The following GTF2B variants were observed in gnomAD, a reference collection of about 807,000 sequenced individuals.
GTF2B encodes the protein general transcription factor IIB.
A neutral mutation model predicts 34.6 loss-of-function variants in GTF2B; 20 were observed. The observed-to-expected ratio is 0.58, with a 90% CI of 0.41 to 0.84. The LOEUF (loss-of-function observed/expected upper bound fraction) is 0.84, where lower values mean the gene tolerates loss of function less well. GTF2B is among the 40% of genes least tolerant of loss of function. The pLI is 0.00. For missense variants in GTF2B, 237 were observed against 393.3 expected, an observed-to-expected ratio of 0.60 and a Z score of 3.36; for synonymous variants, 142 against 132.4, an observed-to-expected ratio of 1.07 and a Z score of -0.50.
At chr1:88,890,666 T>C (rs1161748865) in intron 1 of GTF2B, among the ~76,000 whole-genome samples, 2 of 152,154 alleles carry the variant, frequency 1.3e-5, no homozygotes, top group Admixed American at 6.5e-5. Context: ...TATGCAAAAA[T>C]ACTAATATCT....
chr1:88,882,310 C>CAAAAAAAAAAAAAAAA (rs59699371), intron 2 of GTF2B, among the ~76,000 whole-genome samples: 3 of 36,018 alleles, frequency 8.3e-5, no homozygotes, highest in African/African-American at 2.4e-4. Context: ...ACTCTCACTC[C>CAAAAAAAAAAAAAAAA]AAAAAAAAAA....
intron 1 of GTF2B, among the ~76,000 whole-genome samples, chr1:88,891,219 G>C (rs1674196609): frequency 6.6e-6 from 1 of 152,040 alleles, no homozygotes; most frequent in South Asian, 2.1e-4. Flanking sequence ...CAAGGACTGG[G>C]GACACAGTAG....
intron 1 of GTF2B, among the ~76,000 whole-genome samples, chr1:88,889,147 G>C (rs1048453719): frequency 6.6e-6 from 1 of 152,192 alleles, no homozygotes; most frequent in African/African-American, 2.4e-5. Flanking sequence ...AACACCAAGA[G>C]ACTAGTAATT....
chr1:88,870,172 C>T (rs865973086), intron 2 of GTF2B, among the ~76,000 whole-genome samples: 3 of 152,284 alleles, frequency 2.0e-5, no homozygotes, highest in African/African-American at 4.8e-5. Flanking sequence ...GTGATCCACC[C>T]GCCTTGGCCT....
rs1044537963 is a variant in GTF2B, at chr1:88,860,128, A to T, written c.405+12T>A. On this transcript the variant is annotated intron_variant, in intron 4 of 6. Coordinates refer to ENST00000370500, the MANE Select transcript of GTF2B (RefSeq NM_001514.6). Reference sequence around the variant, plus strand: ...TGCCAGAATGGCTTAAAGGAGGTAGACAAGAACTTACAACTATATTTCGAG... The same window carrying T: ...TGCCAGAATGGCTTAAAGGAGGTAGTCAAGAACTTACAACTATATTTCGAG... 2.5e-6 allele frequency: 4 copies of T among 1,613,820 alleles called. No homozygotes were observed. In the African/African-American group the frequency reaches 4.0e-5, roughly 16 times the overall value.
intron 2 of GTF2B, among the ~76,000 whole-genome samples, chr1:88,867,797 T>A (rs1225261002): frequency 1.3e-5 from 2 of 152,120 alleles, no homozygotes; most frequent in Non-Finnish European, 2.9e-5. Context: ...ATGGATTTTT[T>A]ATTTTTTTTA....
chr1:88,868,307 G>C (rs544074732), intron 2 of GTF2B, among the ~76,000 whole-genome samples: 2 of 152,280 alleles, frequency 1.3e-5, no homozygotes, highest in Admixed American at 1.3e-4. Context: ...TAGAAACAGA[G>C]ACACATATGA....
intron 3 of GTF2B, among the ~76,000 whole-genome samples, chr1:88,863,584 T>C (rs1211021076): frequency 6.6e-6 from 1 of 152,120 alleles, no homozygotes; most frequent in African/African-American, 2.4e-5. Context: ...CCCGAACTCC[T>C]GACCTTGTGA....
At chr1:88,887,763 C>T (rs1674110042) in intron 1 of GTF2B, 1 of 222,870 alleles carries the variant, frequency 4.5e-6, no homozygotes. Context: ...AGTCAGAGAA[C>T]AATTTCTCTC....
At chr1:88,867,149 T>C (rs757613064) in intron 2 of GTF2B, among the ~76,000 whole-genome samples, 1 of 152,212 alleles carries the variant, frequency 6.6e-6, no homozygotes, top group Non-Finnish European at 1.5e-5. Context: ...AAGAGATCAA[T>C]TTTTCTTCCT....
Position 88,891,529 on chromosome 1 carries a change from G to A in GTF2B, c.-30C>T, listed in dbSNP as rs199559850. 47 of 1,591,908 alleles carry A rather than the reference G, an allele frequency of 3.0e-5. 1 individual carries two copies. Among genetic ancestry groups the A allele is most frequent in the South Asian group, 2.6e-4 (23 of 88,850 alleles). On this transcript the variant is annotated 5_prime_UTR_variant, in exon 1 of 7. Transcript: ENST00000370500. ...ACGGCGACTGCGGTGCCCGCAACAA[G>A]ACACAACAGACACACCGAAAGCAGG...
intron 5 of GTF2B, among the ~76,000 whole-genome samples, chr1:88,857,897 G>A (rs1372921169): frequency 1.3e-5 from 2 of 151,932 alleles, no homozygotes; most frequent in Non-Finnish European, 2.9e-5. Flanking sequence ...GGCCAGGCCT[G>A]TCTAGAACTC....
chr1:88,891,298 CCCCTGCGACA>C (rs1268248344), intron 1 of GTF2B, among the ~76,000 whole-genome samples, 175 bp downstream of exon 1: 1 of 152,194 alleles, frequency 6.6e-6, no homozygotes, highest in East Asian at 1.9e-4. Context: ...AGCTCGGTAA[CCCCTGCGACA>C]CCCTGACAGT....
intron 6 of GTF2B, among the ~76,000 whole-genome samples, chr1:88,856,297 A>AC: frequency 1.4e-5 from 2 of 147,428 alleles, no homozygotes; most frequent in East Asian, 3.9e-4. Context: ...AAAACAAAAA[A>AC]AAAAAAGGAA....
chr1:88,870,050 C>G (rs1395213128), intron 2 of GTF2B, among the ~76,000 whole-genome samples: 1 of 150,546 alleles, frequency 6.6e-6, no homozygotes, highest in African/African-American at 2.5e-5. Context: ...GCCTCAGCCT[C>G]CCGAGTAGCT....
intron 1 of GTF2B, among the ~76,000 whole-genome samples, chr1:88,890,680 TCA>T (rs1674178921): frequency 6.6e-6 from 1 of 152,146 alleles, no homozygotes; most frequent in South Asian, 2.1e-4. Flanking sequence ...AATATCTACC[TCA>T]CAGTGGTAAT....
At chr1:88,861,381 C>G (rs369038290) in intron 3 of GTF2B, among the ~76,000 whole-genome samples, 2 of 152,324 alleles carry the variant, frequency 1.3e-5, no homozygotes, top group East Asian at 3.9e-4. Context: ...TATTAAAAAA[C>G]AGGCCAGGCG....
intron 2 of GTF2B, among the ~76,000 whole-genome samples, chr1:88,865,846 AAAAAC>A (rs1557655397): frequency 6.7e-6 from 1 of 149,056 alleles, no homozygotes; most frequent in Non-Finnish European, 1.5e-5. Flanking sequence ...ATCTCAAAAA[AAAAAC>A]AAAACAAAAC....
intron 2 of GTF2B, among the ~76,000 whole-genome samples, chr1:88,881,136 A>G (rs1379914930): frequency 5.9e-5 from 9 of 151,548 alleles, no homozygotes; most frequent in Admixed American, 3.9e-4. Context: ...AGAAGCTCCA[A>G]AAGCCAGAAT....
Sources: allele counts gnomAD v4.1 joint callset (sites outside exome capture counted in the v4.1 genomes callset), GRCh38; gene constraint gnomAD v4.1.1; transcripts MANE v1.5; gene names NCBI Gene and HGNC (gene_info 2026-07-23, HGNC 2026-07-21).